Variants in TEX11 observed in about 807,000 individuals in gnomAD.
TEX11 encodes the protein testis-expressed protein 11.
In TEX11, 7 loss-of-function variants were observed where a neutral mutation model predicts 84.4. That is an observed-to-expected ratio of 0.08 (90% confidence interval 0.05 to 0.16). The LOEUF is 0.16. Ranked by LOEUF, TEX11 falls within the 10% of genes least tolerant of loss-of-function variation. The pLI is 1.00. For missense variants in TEX11, 551 were observed against 660.5 expected (o/e 0.83, Z 1.82); for synonymous variants, 264 against 222.8 (o/e 1.18, Z -1.64).
At chrX:70,749,529 G>T (rs1183632895) in intron 9 of TEX11, among the ~76,000 whole-genome samples, 3 of 106,898 alleles carry the variant, frequency 2.8e-5, no homozygotes, top group Non-Finnish European at 5.8e-5. Flanking sequence ...TCCAGTGTTT[G>T]CCCATTCAGT....
intron 4 of TEX11, among the ~76,000 whole-genome samples, chrX:70,866,311 T>C (rs4844271): frequency 0.2 from 21,701 of 108,607 alleles, 3,085 homozygotes; most frequent in African/African-American, 0.45. Context: ...AATTCCTGGA[T>C]GCATACACTC....
chrX:70,773,514 C>T (rs1328522546), intron 9 of TEX11, among the ~76,000 whole-genome samples: 2 of 110,955 alleles, frequency 1.8e-5, no homozygotes, highest in African/African-American at 6.5e-5. Context: ...CACCACTGTC[C>T]CACAAAAAAT....
intron 3 of TEX11, among the ~76,000 whole-genome samples, chrX:70,878,436 G>A (rs895876659): frequency 5.4e-5 from 6 of 110,367 alleles, no homozygotes; most frequent in Non-Finnish European, 9.5e-5. Flanking sequence ...GTCCCAAAGT[G>A]CTGGGATTAC....
chrX:70,797,790 T>C (rs1484805442), intron 9 of TEX11, among the ~76,000 whole-genome samples: 1 of 102,928 alleles, frequency 9.7e-6, no homozygotes, highest in African/African-American at 3.6e-5. Context: ...AAATCTTCTG[T>C]TACAAAATTC....
At chrX:70,565,394 G>C (rs2088451062) in intron 25 of TEX11, among the ~76,000 whole-genome samples, 1 of 107,674 alleles carries the variant, frequency 9.3e-6, no homozygotes, top group African/African-American at 3.4e-5. Flanking sequence ...CTGTGCAGAA[G>C]CTCTTTAGTT....
chrX:70,833,480 T>C (rs760965910), intron 8 of TEX11, 33 bp downstream of exon 8: 10 of 1,133,752 alleles, frequency 8.8e-6, no homozygotes, highest in South Asian at 5.6e-5. Context: ...ATAGCATATT[T>C]TCAAACTCTT....
At chrX:70,564,351 A>G (rs1470948969) in intron 25 of TEX11, among the ~76,000 whole-genome samples, 2 of 111,178 alleles carry the variant, frequency 1.8e-5, no homozygotes, top group Non-Finnish European at 3.8e-5. Flanking sequence ...TTTTTTCTCT[A>G]TTTTCCATAA....
At chrX:70,854,672 G>A (rs1433404970) in intron 5 of TEX11, among the ~76,000 whole-genome samples, 1 of 107,222 alleles carries the variant, frequency 9.3e-6, no homozygotes, top group African/African-American at 3.4e-5. Flanking sequence ...GGAGGTGAAG[G>A]CTGCAGTGAG....
Position 70,643,763 on chromosome X carries a change from A to T in TEX11, c.1483+7687T>A, listed in dbSNP as rs1402377071. Reference sequence around the variant, plus strand: ...ATCCCTTCCTTACACCTTATACAAAAATCAATTCACGATGGATTAAAGACT... The same window carrying T: ...ATCCCTTCCTTACACCTTATACAAATATCAATTCACGATGGATTAAAGACT... On this transcript the variant is annotated intron_variant, in intron 17 of 29. Transcript: ENST00000374333. 3.9e-5 allele frequency among the ~76,000 whole-genome samples: 4 copies of T among 101,714 alleles called. No individual in the cohort carries two copies. In the South Asian group the frequency reaches 1.9e-3, roughly 49 times the overall value. 88.3% of individuals were successfully genotyped at this position (101,714 alleles called of 115,157 possible).
chrX:70,625,774 T>C (rs2089443183), intron 18 of TEX11, among the ~76,000 whole-genome samples: 1 of 76,575 alleles, frequency 1.3e-5, no homozygotes, highest in Admixed American at 1.6e-4. Flanking sequence ...CTTTTTCTTT[T>C]TCTTTTTTTT....
At chrX:70,555,179 A>G (rs906583073) in intron 25 of TEX11, among the ~76,000 whole-genome samples, 1 of 111,802 alleles carries the variant, frequency 8.9e-6, no homozygotes, top group African/African-American at 3.2e-5. Flanking sequence ...TGCTCACTCT[A>G]ATGGCCGAGT....
rs766972753 is a variant in TEX11 at position 70,609,075 on chromosome X, C to T, written c.1879+16G>A. The T allele has an allele frequency of 3.4e-5, 40 of 1,184,072 alleles. No homozygotes were observed. The East Asian group carries it at 1.1e-3, about 33-fold the overall frequency. On this transcript the variant is annotated intron_variant, in intron 22 of 29. Coordinates refer to ENST00000374333, the MANE Select transcript of TEX11 (RefSeq NM_031276.3). The stretch of plus-strand genomic sequence containing the variant: ...CACCCCACAATGTTTCCCAGAGCCA[C>T]AGAATTTCCTCTTACCTGTTTTTCG...
intron 9 of TEX11, among the ~76,000 whole-genome samples, chrX:70,792,125 C>CAAA (rs57717581): frequency 3.2e-5 from 2 of 61,756 alleles, no homozygotes; most frequent in Non-Finnish European, 3.0e-5. Flanking sequence ...AACTCCGTCT[C>CAAA]AAAAAAAAAA....
At position 70,747,681 on chromosome X, in the gene TEX11, A is replaced by C. The variant is rs1230420461; in HGVS notation, c.693-3462T>G. ...GAATTTTTTAAAATCGTGTTTAAAA[A>C]TTAAAGGAAGGTCTGATAACAATGA... On this transcript the variant is annotated intron_variant, in intron 9 of 29. Coordinates refer to ENST00000374333, the MANE Select transcript of TEX11 (RefSeq NM_031276.3). 2.7e-5 allele frequency among the ~76,000 whole-genome samples: 3 copies of C among 111,954 alleles called. No homozygotes were observed. The East Asian group carries it at 8.3e-4, about 31-fold the overall frequency.
rs1602224510 is a variant in TEX11 at position 70,901,223 on chromosome X, G to T, written c.37+6530C>A. ...AATAAATACTTAAAAAAGACTGAGGGATTTGGGGGGCAAAAAGTTCAAAAT... is the reference window on the plus strand; with the variant it reads ...AATAAATACTTAAAAAAGACTGAGGTATTTGGGGGGCAAAAAGTTCAAAAT... On this transcript the variant is annotated intron_variant, in intron 2 of 29. Coordinates refer to ENST00000374333, the MANE Select transcript of TEX11 (RefSeq NM_031276.3). Among the ~76,000 whole-genome samples, 4 of 111,166 alleles carry T rather than the reference G, an allele frequency of 3.6e-5. No individual in the cohort carries two copies. The Admixed American group carries it at 3.9e-4, about 11-fold the overall frequency.
At chrX:70,804,632 G>T (rs1287437964) in intron 9 of TEX11, among the ~76,000 whole-genome samples, 3 of 111,542 alleles carry the variant, frequency 2.7e-5, no homozygotes, top group Non-Finnish European at 5.6e-5. Flanking sequence ...ATATAAATTT[G>T]TTATTTATTT....
intron 9 of TEX11, among the ~76,000 whole-genome samples, chrX:70,803,267 C>T (rs1422339065): frequency 8.9e-6 from 1 of 112,035 alleles, no homozygotes; most frequent in Non-Finnish European, 1.9e-5. Flanking sequence ...GAGGCAAATA[C>T]GTTGACAATC....
At chrX:70,823,369 T>C (rs1186919782) in intron 8 of TEX11, among the ~76,000 whole-genome samples, 1 of 110,632 alleles carries the variant, frequency 9.0e-6, no homozygotes, top group Non-Finnish European at 1.9e-5. Flanking sequence ...TTGTGTATTG[T>C]ATAGGTGATT....
intron 28 of TEX11, among the ~76,000 whole-genome samples, chrX:70,549,828 A>G (rs899416009): frequency 6.2e-5 from 7 of 112,592 alleles, no homozygotes; most frequent in African/African-American, 1.6e-4. Context: ...GCCAGGGGGA[A>G]GTTGCTGCCC....
Sources: allele counts gnomAD v4.1 joint callset (sites outside exome capture counted in the v4.1 genomes callset), GRCh38; gene constraint gnomAD v4.1.1; transcripts MANE v1.5; gene names NCBI Gene and HGNC (gene_info 2026-07-23, HGNC 2026-07-21).